Variants in CATSPERT observed in about 807,000 individuals in gnomAD.
CATSPERT encodes the protein catsper channel auxiliary subunit tau.
chr2:201,499,015 T>G, the CATSPERT span, among the ~76,000 whole-genome samples: 19 of 151,650 alleles, frequency 1.3e-4, no homozygotes, highest in Non-Finnish European at 1.8e-4. Context: ...TTTGGAAATG[T>G]AGAGTCCTCA....
At chr2:201,539,951 C>T in the CATSPERT span, among the ~76,000 whole-genome samples, 16 of 152,160 alleles carry the variant, frequency 1.1e-4, no homozygotes, top group African/African-American at 3.6e-4. Flanking sequence ...TTGACAAAAG[C>T]GAGAAGTGCT....
chr2:201,533,539 T>C, the CATSPERT span, among the ~76,000 whole-genome samples: 1 of 152,176 alleles, frequency 6.6e-6, no homozygotes, highest in South Asian at 2.1e-4. Flanking sequence ...CTTCAATTCA[T>C]AGATTTTAAG....
At chr2:201,534,615 C>CA in the CATSPERT span, 5 of 982,608 alleles carry the variant, frequency 5.1e-6, no homozygotes, top group Non-Finnish European at 6.0e-6. Flanking sequence ...GACTAATGAG[C>CA]AAAAAAAAGT....
At chr2:201,575,050 A>AAAAG in the CATSPERT span, among the ~76,000 whole-genome samples, 3 of 104,630 alleles carry the variant, frequency 2.9e-5, no homozygotes, top group African/African-American at 9.0e-5. Flanking sequence ...AAAAAAAAAA[A>AAAAG]AAGAAGAAGA....
the CATSPERT span, among the ~76,000 whole-genome samples, chr2:201,614,767 A>T: frequency 4.6e-5 from 7 of 152,346 alleles, no homozygotes; most frequent in African/African-American, 1.7e-4. Context: ...AGACTGGCAA[A>T]TTGGATAAAG....
chr2:201,496,423 A>G, the CATSPERT span, among the ~76,000 whole-genome samples: 5 of 152,148 alleles, frequency 3.3e-5, no homozygotes, highest in Non-Finnish European at 5.9e-5. Context: ...GCTCACTGCA[A>G]CCTCTGCCTC....
At chr2:201,495,907 T>C in the CATSPERT span, 4 of 1,592,840 alleles carry the variant, frequency 2.5e-6, no homozygotes, top group Non-Finnish European at 3.4e-6. Context: ...GAAATTTTGG[T>C]TTGAATTCTA....
chr2:201,544,543 TCACACACA>T, the CATSPERT span, among the ~76,000 whole-genome samples: 2 of 150,378 alleles, frequency 1.3e-5, no homozygotes, highest in African/African-American at 4.9e-5. Context: ...ACTTTCTTTT[TCACACACA>T]CACACACACA....
the CATSPERT span, among the ~76,000 whole-genome samples, chr2:201,602,804 G>T: frequency 6.6e-6 from 1 of 152,076 alleles, no homozygotes; most frequent in South Asian, 2.1e-4. Context: ...CTCAACTAGA[G>T]CACAAAATTT....
At chr2:201,566,685 A>G in the CATSPERT span, among the ~76,000 whole-genome samples, 1 of 152,114 alleles carries the variant, frequency 6.6e-6, no homozygotes, top group Non-Finnish European at 1.5e-5. Flanking sequence ...GTGTCTTTAC[A>G]GCAGCATGAT....
chr2:201,574,252 A>T, the CATSPERT span: 1 of 1,606,892 alleles, frequency 6.2e-7, no homozygotes, highest in Non-Finnish European at 8.5e-7. Flanking sequence ...GGAGAACATA[A>T]ATTCCACCTC....
At chr2:201,487,559 A>G in the CATSPERT span, 5 of 1,497,306 alleles carry the variant, frequency 3.3e-6, no homozygotes, top group South Asian at 4.9e-5. Flanking sequence ...CTGGCCTCAC[A>G]TATCATTCTG....
the CATSPERT span, among the ~76,000 whole-genome samples, chr2:201,614,931 T>C: frequency 1.3e-5 from 2 of 152,064 alleles, no homozygotes; most frequent in African/African-American, 4.8e-5. Context: ...TAAAACAGAC[T>C]TCAAACCAAC....
the CATSPERT span, chr2:201,574,156 C>T: frequency 2.4e-5 from 31 of 1,302,974 alleles, no homozygotes; most frequent in Admixed American, 7.2e-5. Flanking sequence ...CAGAAGAGGA[C>T]GATTTGACTG....
chr2:201,566,444 C>G, the CATSPERT span, among the ~76,000 whole-genome samples: 12 of 146,916 alleles, frequency 8.2e-5, no homozygotes, highest in African/African-American at 2.3e-4. Context: ...CTATGAGTGA[C>G]AACATGCAGT....
chr2:201,596,401 AACAATAC>A, the CATSPERT span, among the ~76,000 whole-genome samples: 30 of 152,272 alleles, frequency 2.0e-4, no homozygotes, highest in African/African-American at 7.0e-4. Context: ...CATAGAGGGG[AACAATAC>A]ACAGTGGGGC....
chr2:201,576,624 T>C, the CATSPERT span, among the ~76,000 whole-genome samples: 6 of 152,238 alleles, frequency 3.9e-5, no homozygotes, highest in East Asian at 3.8e-4. Flanking sequence ...TTATGTATGT[T>C]TGCAATATTG....
the CATSPERT span, among the ~76,000 whole-genome samples, chr2:201,566,983 C>T: frequency 6.6e-6 from 1 of 152,282 alleles, no homozygotes; most frequent in Admixed American, 6.5e-5. Context: ...TAAACAACTC[C>T]TCCCAAGGTC....
chr2:201,547,525 A>C, the CATSPERT span: 1 of 1,547,352 alleles, frequency 6.5e-7, no homozygotes, highest in East Asian at 2.3e-5. Context: ...TTATGTTCCA[A>C]TTTTGGCATT....
Sources: gnomAD v4.1 joint callset for allele counts (sites outside exome capture counted in the v4.1 genomes callset) on GRCh38, gnomAD v4.1.1 for gene constraint, MANE v1.5 for transcripts, NCBI Gene and HGNC (gene_info 2026-07-23, HGNC 2026-07-21) for gene names.